The following RNF38 variants were observed in gnomAD, a reference collection of about 807,000 sequenced individuals.
RNF38 encodes ring finger protein 38.
A neutral mutation model predicts 67.2 loss-of-function variants in RNF38; 15 were observed. That is an observed-to-expected ratio of 0.22 (90% confidence interval 0.15 to 0.34). The LOEUF is 0.34. Ranked by LOEUF, RNF38 falls within the 10% of genes least tolerant of loss-of-function variation. The pLI, the probability that RNF38 is intolerant of heterozygous loss-of-function variation, is 1.00. For synonymous variants in RNF38, 220 were observed against 218.8 expected, an observed-to-expected ratio of 1.01 and a Z score of -0.05; for missense variants, 524 against 639.9, an observed-to-expected ratio of 0.82 and a Z score of 1.95.
intron 1 of RNF38, among the ~76,000 whole-genome samples, chr9:36,483,102 A>T (rs529820590): frequency 1.3e-5 from 2 of 152,218 alleles, no homozygotes; most frequent in African/African-American, 4.8e-5. Context: ...TAAGAAGTGT[A>T]CCGGCCAGGC....
At chr9:36,478,817 CAAAA>C (rs58286962) in intron 1 of RNF38, among the ~76,000 whole-genome samples, 7 of 106,050 alleles carry the variant, frequency 6.6e-5, no homozygotes, top group East Asian at 2.7e-4. Flanking sequence ...AACGCTGTCT[CAAAA>C]AAAAAAAAAA....
intron 3 of RNF38, among the ~76,000 whole-genome samples, chr9:36,373,274 G>A (rs999692183): frequency 6.6e-6 from 1 of 152,192 alleles, no homozygotes; most frequent in Non-Finnish European, 1.5e-5. Context: ...CATAAATTGT[G>A]TGGTACATTA....
At chr9:36,366,372 A>G (rs933291630) in intron 4 of RNF38, among the ~76,000 whole-genome samples, 2 of 151,952 alleles carry the variant, frequency 1.3e-5, no homozygotes, top group Non-Finnish European at 2.9e-5. Flanking sequence ...AAACAGAATC[A>G]AAAAAAAGCT....
chr9:36,478,532 G>C (rs1357497554), intron 1 of RNF38, among the ~76,000 whole-genome samples: 1 of 132,596 alleles, frequency 7.5e-6, no homozygotes, highest in Non-Finnish European at 1.6e-5. Context: ...AAAAAAAAAA[G>C]ATTGGCCGGG....
intron 9 of RNF38, among the ~76,000 whole-genome samples, chr9:36,350,592 C>A (rs969297935): frequency 1.3e-5 from 2 of 152,218 alleles, no homozygotes; most frequent in African/African-American, 4.8e-5. Flanking sequence ...TAAGATCTAG[C>A]TCAAACATTT....
intron 2 of RNF38, 98 bp from the exon 3 acceptor site, chr9:36,376,225 T>A: frequency 1.1e-6 from 1 of 903,148 alleles, no homozygotes; most frequent in Non-Finnish European, 1.6e-6. Flanking sequence ...ACCTAAAATC[T>A]AAAAATGTAA....
At chr9:36,442,085 G>A (rs1000596443) in intron 1 of RNF38, among the ~76,000 whole-genome samples, 36 of 152,080 alleles carry the variant, frequency 2.4e-4, no homozygotes, top group Non-Finnish European at 5.0e-4. Flanking sequence ...GGGAGGGGGA[G>A]AGTCAAATCT....
At chr9:36,455,539 T>C (rs1223334489) in intron 1 of RNF38, among the ~76,000 whole-genome samples, 2 of 151,400 alleles carry the variant, frequency 1.3e-5, no homozygotes, top group African/African-American at 4.8e-5. Context: ...TCCCAGCACT[T>C]TGGGAGGCCG....
chr9:36,432,808 A>T (rs1838963372), intron 1 of RNF38, among the ~76,000 whole-genome samples: 1 of 152,122 alleles, frequency 6.6e-6, no homozygotes, highest in Non-Finnish European at 1.5e-5. Context: ...ACAAAAAAAC[A>T]AAGAAATACT....
rs570016102 is a variant in RNF38 at position 36,345,361 on chromosome 9, C to A, written c.1264-408G>T. On this transcript the variant is annotated intron_variant, in intron 9 of 11. Coordinates refer to ENST00000259605, the MANE Select transcript of RNF38 (RefSeq NM_022781.5). ...TTAAAACAAAACTGAAAGATGGTATCATTTCATTTGTATCAAGTGCATCTG... is the reference window on the plus strand; with the variant it reads ...TTAAAACAAAACTGAAAGATGGTATAATTTCATTTGTATCAAGTGCATCTG... 3.3e-5 allele frequency among the ~76,000 whole-genome samples: 5 copies of A among 152,264 alleles called. No individual in the cohort carries two copies. In the East Asian group the frequency reaches 5.8e-4, roughly 18 times the overall value.
rs544043456 is a variant in RNF38 at position 36,354,410 on chromosome 9, C to T, written c.910-1079G>A. Among the ~76,000 whole-genome samples, 4 of 152,254 alleles carry T rather than the reference C, an allele frequency of 2.6e-5. No homozygotes were observed. In the South Asian group the frequency reaches 6.2e-4, roughly 24 times the overall value. ...TAGAGACAGGGTTTCACCGTGTTAGCCAGGATGGTCTCGATCTCCTGACTT... is the reference window on the plus strand; with the variant it reads ...TAGAGACAGGGTTTCACCGTGTTAGTCAGGATGGTCTCGATCTCCTGACTT... On this transcript the variant is annotated intron_variant, in intron 6 of 11. Transcript: ENST00000259605.
intron 1 of RNF38, among the ~76,000 whole-genome samples, chr9:36,483,849 A>G (rs907605899): frequency 1.3e-5 from 2 of 152,232 alleles, no homozygotes; most frequent in Non-Finnish European, 2.9e-5. Flanking sequence ...ACATGTGTTA[A>G]AATCTGTAAA....
rs1026210211 is a variant in RNF38, at chr9:36,339,897, CCA to C, written c.1486-85_1486-84del. On this transcript the variant is annotated intron_variant, in intron 11 of 11. Coordinates refer to ENST00000259605, the MANE Select transcript of RNF38 (RefSeq NM_022781.5). Reference sequence around the variant, plus strand: ...AAAGCAATGGAACTACTTTTACTTCCCACAGTTTTTACATTCTTTCTTCCTCT... The same window carrying C: ...AAAGCAATGGAACTACTTTTACTTCCCAGTTTTTACATTCTTTCTTCCTCT... The C allele has an allele frequency of 5.1e-5, 60 of 1,179,712 alleles. No individual in the cohort carries two copies. In the Admixed American group the frequency reaches 6.9e-4, roughly 14 times the overall value. The allele number at this position is 1,179,712 out of a possible 1,614,324, so 73.1% of individuals were successfully genotyped here.
At chr9:36,414,594 G>C (rs1838412010) in intron 2 of RNF38, among the ~76,000 whole-genome samples, 1 of 151,278 alleles carries the variant, frequency 6.6e-6, no homozygotes, top group Non-Finnish European at 1.5e-5. Context: ...GCTGAGGCAG[G>C]AGAATCACTA....
rs1421112234 is a variant in RNF38, at chr9:36,444,950, T to C, written n.242-20267A>G. 3.6e-5 allele frequency among the ~76,000 whole-genome samples: 5 copies of C among 138,880 alleles called. No individual in the cohort carries two copies. The East Asian group carries it at 1.0e-3, about 28-fold the overall frequency. The allele number at this position is 138,880 out of a possible 152,430, so 91.1% of individuals were successfully genotyped here. On this transcript the variant is annotated intron_variant and non_coding_transcript_variant, in intron 1 of 3. Coordinates refer to the RNF38 transcript ENST00000488058. ...TTTTTTTTTTTTTGAGACCTATCAG[T>C]GATCGCCAGAGATTTCTGGTTAATC...
intron 2 of RNF38, among the ~76,000 whole-genome samples, chr9:36,416,477 A>G (rs868437785): frequency 6.6e-6 from 1 of 152,092 alleles, no homozygotes; most frequent in South Asian, 2.1e-4. Flanking sequence ...GCAGGCAAGG[A>G]TTTCAGGTCT....
intron 2 of RNF38, among the ~76,000 whole-genome samples, chr9:36,407,940 C>G (rs1468071968): frequency 1.3e-5 from 2 of 152,050 alleles, no homozygotes; most frequent in Admixed American, 1.3e-4. Flanking sequence ...CAGTGTTTTG[C>G]TATTACAAAG....
chr9:36,346,158 C>T (rs1833221392), intron 9 of RNF38, among the ~76,000 whole-genome samples: 1 of 152,054 alleles, frequency 6.6e-6, no homozygotes, highest in East Asian at 1.9e-4. Flanking sequence ...AAGTATCCAC[C>T]ATCAACTCAT....
At chr9:36,421,028 A>G (rs755895245) in intron 2 of RNF38, among the ~76,000 whole-genome samples, 3 of 152,222 alleles carry the variant, frequency 2.0e-5, no homozygotes, top group Non-Finnish European at 2.9e-5. Context: ...TGTAGAGAGG[A>G]TGTCCAACAA....
Sources: gnomAD v4.1 joint callset for allele counts (sites outside exome capture counted in the v4.1 genomes callset) on GRCh38, gnomAD v4.1.1 for gene constraint, MANE v1.5 for transcripts, NCBI Gene and HGNC (gene_info 2026-07-23, HGNC 2026-07-21) for gene names.